Variants in SETDB1 observed in about 807,000 individuals in gnomAD.
SETDB1 encodes SET domain bifurcated histone lysine methyltransferase 1.
A neutral mutation model predicts 137.4 loss-of-function variants in SETDB1; 31 were observed. The observed-to-expected ratio is 0.23, with a 90% CI of 0.17 to 0.30. The LOEUF (loss-of-function observed/expected upper bound fraction) is 0.30. Ranked by LOEUF, SETDB1 falls within the 10% of genes least tolerant of loss-of-function variation. The probability of loss-of-function intolerance (pLI) is 1.00; values close to 1 mark genes in which losing one functional copy is unlikely to be tolerated. For missense variants in SETDB1, 1,113 were observed against 1,631.5 expected (o/e 0.68, Z 5.47); for synonymous variants, 548 against 579.9 (o/e 0.95, Z 0.79).
intron 1 of SETDB1, among the ~76,000 whole-genome samples, chr1:150,927,004 C>T (rs1477172666): frequency 6.6e-6 from 1 of 152,178 alleles, no homozygotes; most frequent in African/African-American, 2.4e-5. Flanking sequence ...ACTCCATCCC[C>T]AGGTGGGGTT....
intron 4 of SETDB1, 23 bp downstream of exon 4, chr1:150,939,997 G>A: frequency 6.3e-7 from 1 of 1,599,222 alleles, no homozygotes; most frequent in Non-Finnish European, 8.6e-7. Flanking sequence ...GGTAAGGGAA[G>A]GGTGAGAGAT....
intron 5 of SETDB1, among the ~76,000 whole-genome samples, chr1:150,942,170 G>A (rs1255527571): frequency 6.7e-6 from 1 of 149,964 alleles, no homozygotes; most frequent in Non-Finnish European, 1.5e-5. Flanking sequence ...GCCGGGCACA[G>A]TGGCTCATGC....
intron 14 of SETDB1, among the ~76,000 whole-genome samples, chr1:150,958,023 C>T (rs1670701037): frequency 6.6e-6 from 1 of 152,018 alleles, no homozygotes; most frequent in African/African-American, 2.4e-5. Flanking sequence ...TCCATCTCTA[C>T]TAAAAATACA....
At chr1:150,943,670 CG>C (rs1670231265) in intron 7 of SETDB1, among the ~76,000 whole-genome samples, 1 of 152,088 alleles carries the variant, frequency 6.6e-6, no homozygotes, top group Non-Finnish European at 1.5e-5. Flanking sequence ...AAGGAGACTC[CG>C]TCTCAAAAAT....
chr1:150,934,268 C>T (rs933003771), intron 3 of SETDB1, among the ~76,000 whole-genome samples: 3 of 152,066 alleles, frequency 2.0e-5, no homozygotes, highest in Non-Finnish European at 2.9e-5. Flanking sequence ...GTCAGGAGAT[C>T]GAAACCATCC....
chr1:150,948,270 A>ATTTT (rs376302541), intron 10 of SETDB1, among the ~76,000 whole-genome samples: 5 of 135,886 alleles, frequency 3.7e-5, no homozygotes, highest in Non-Finnish European at 6.3e-5. Context: ...CAGAGTAGCA[A>ATTTT]TTTTTTTTTT....
intron 3 of SETDB1, 155 bp downstream of exon 3, chr1:150,930,273 T>G (rs1451318812): frequency 4.9e-6 from 3 of 617,112 alleles, no homozygotes; most frequent in Non-Finnish European, 8.4e-6. Flanking sequence ...AAATGCAACA[T>G]TGTTAGTATC....
At chr1:150,934,519 A>T (rs34207591) in intron 3 of SETDB1, among the ~76,000 whole-genome samples, 1 of 151,934 alleles carries the variant, frequency 6.6e-6, no homozygotes, top group African/African-American at 2.4e-5. Context: ...GCATACTTCT[A>T]CTTTCACTCT....
chr1:150,951,875 C>G (rs966679165), intron 14 of SETDB1, among the ~76,000 whole-genome samples: 11 of 152,166 alleles, frequency 7.2e-5, no homozygotes, highest in African/African-American at 2.7e-4. Context: ...CAGGCTGGCA[C>G]AGTGGCTCAC....
At chr1:150,926,860 A>G (rs1334545791) in intron 1 of SETDB1, 6 of 532,492 alleles carry the variant, frequency 1.1e-5, no homozygotes, top group Admixed American at 9.8e-5. Flanking sequence ...TTTGGGGGAA[A>G]CCTTTTTGCT....
At chr1:150,961,321 C>CT in intron 16 of SETDB1, 130 bp downstream of exon 16, 1 of 926,408 alleles carries the variant, frequency 1.1e-6, no homozygotes, top group South Asian at 1.6e-5. Context: ...CTCGTTATCT[C>CT]TCCCCCTAAC....
intron 14 of SETDB1, among the ~76,000 whole-genome samples, chr1:150,955,838 C>T (rs1433777727): frequency 6.6e-6 from 1 of 152,174 alleles, no homozygotes; most frequent in Middle Eastern, 3.2e-3. Context: ...CCTGTAATCC[C>T]AGCACTTTGG....
At chr1:150,931,446 G>A (rs371233539) in intron 3 of SETDB1, among the ~76,000 whole-genome samples, 159 of 150,370 alleles carry the variant, frequency 1.1e-3, no homozygotes, top group African/African-American at 3.5e-3. Flanking sequence ...TTAGCTGGGC[G>A]TGGCGGCGGA....
intron 3 of SETDB1, among the ~76,000 whole-genome samples, chr1:150,939,251 A>ATTTTTTTTT: frequency 9.3e-6 from 1 of 107,182 alleles, no homozygotes; most frequent in Non-Finnish European, 1.8e-5. Context: ...TGCACCCAGC[A>ATTTTTTTTT]TTTTTTTTTT....
rs768105851 is a variant in SETDB1 at position 150,950,493 on chromosome 1, C to T, written c.1619C>T (p.Pro540Leu). The T allele has an allele frequency of 1.9e-6, 3 of 1,611,158 alleles. No individual in the cohort carries two copies. The highest frequency in any genetic ancestry group is 2.5e-6 in the Non-Finnish European group (3 of 1,178,432). The stretch of plus-strand genomic sequence containing the variant: ...GGCTCCACAGCCTCTGCCCCAGCAC[C>T]CTCAGCACTCCCGGCCCCTCCAGCA... Reference protein sequence around the residue: ...PLGSTASAPAPSALPAPPAPP... With the variant: ...PLGSTASAPALSALPAPPAPP... Residue 540 changes from proline to leucine, a missense_variant, in exon 13 of 22, where the codon CCC becomes CTC. Physicochemically the swap from Pro to Leu is moderately conservative, Grantham distance 98. This residue lies in a region of SETDB1 where 192 missense variants were observed against 198.1 expected (regional missense o/e 0.97). Coordinates refer to ENST00000692827, the MANE Select transcript of SETDB1 (RefSeq NM_001366418.1).
intron 2 of SETDB1, among the ~76,000 whole-genome samples, chr1:150,929,608 C>G (rs949453369): frequency 3.9e-5 from 6 of 151,940 alleles, no homozygotes; most frequent in African/African-American, 1.5e-4. Context: ...GGTCAAATTC[C>G]TGACCTCAAG....
In SETDB1 at chr1:150,950,501, C is replaced by G. The variant is rs776198034; in HGVS notation, c.1627C>G (p.Leu543Val). The G allele has an allele frequency of 6.2e-7, 1 of 1,612,576 alleles. No individual in the cohort carries two copies. Among genetic ancestry groups the G allele is most frequent in the South Asian group, 1.1e-5 (1 of 90,836 alleles). ...AGCCTCTGCCCCAGCACCCTCAGCACTCCCGGCCCCTCCAGCACCCCCAGT... is the reference window on the plus strand; with the variant it reads ...AGCCTCTGCCCCAGCACCCTCAGCAGTCCCGGCCCCTCCAGCACCCCCAGT... ...STASAPAPSA[L>V]PAPPAPPVFH... Residue 543 changes from leucine to valine, a missense_variant, in exon 13 of 22, where the codon CTC (leucine) becomes GTC (valine). Leu to Val is a conservative substitution (Grantham distance 32). This residue lies in a region of SETDB1 where 192 missense variants were observed against 198.1 expected (regional missense o/e 0.97). Transcript: ENST00000692827.
intron 17 of SETDB1, 133 bp downstream of exon 17, chr1:150,962,291 C>T: frequency 1.2e-6 from 1 of 844,150 alleles, no homozygotes; most frequent in Non-Finnish European, 2.0e-6. Context: ...ACCTCAGCCT[C>T]CCTAGTAGCT....
At chr1:150,947,611 C>CA (rs764532986) in intron 10 of SETDB1, among the ~76,000 whole-genome samples, 8 of 151,870 alleles carry the variant, frequency 5.3e-5, no homozygotes, top group South Asian at 2.1e-4. Flanking sequence ...CCTGTTTCTA[C>CA]AAAAAAACAC....
Sources: gnomAD v4.1 joint callset for allele counts (sites outside exome capture counted in the v4.1 genomes callset) on GRCh38, gnomAD v4.1.1 for gene constraint, gnomAD v4.1.1 regional missense constraint, MANE v1.5 for transcripts, NCBI Gene and HGNC (gene_info 2026-07-23, HGNC 2026-07-21) for gene names.